The following SCAI variants were observed in gnomAD, a reference collection of about 807,000 sequenced individuals.
SCAI encodes protein SCAI.
SCAI carries 24 observed loss-of-function variants against 92.2 expected under a neutral mutation model. The observed-to-expected ratio is 0.26, with a 90% CI of 0.19 to 0.37. The LOEUF (loss-of-function observed/expected upper bound fraction) is 0.37, where lower values mean the gene tolerates loss of function less well. Among genes scored for constraint, SCAI ranks in the 10% least tolerant of loss-of-function variants. The pLI is 1.00. For synonymous variants in SCAI, 261 were observed against 258.6 expected, an observed-to-expected ratio of 1.01 and a Z score of -0.09; for missense variants, 450 against 736.2, an observed-to-expected ratio of 0.61 and a Z score of 4.50.
intron 2 of SCAI, among the ~76,000 whole-genome samples, chr9:125,114,644 T>TCAG (rs1416918981): frequency 6.6e-6 from 1 of 152,108 alleles, no homozygotes; most frequent in East Asian, 1.9e-4. Flanking sequence ...CTTGCTCTGT[T>TCAG]GCCCAGGCTG....
chr9:125,061,292 G>A (rs570026740), intron 2 of SCAI, among the ~76,000 whole-genome samples: 3 of 150,700 alleles, frequency 2.0e-5, no homozygotes, highest in African/African-American at 7.4e-5. Context: ...GCGAGACTCC[G>A]TCTCAAAAAA....
chr9:125,010,336 C>T (rs1415890317), intron 9 of SCAI, among the ~76,000 whole-genome samples: 1 of 152,172 alleles, frequency 6.6e-6, no homozygotes, highest in African/African-American at 2.4e-5. Context: ...CCCAATACTG[C>T]GCTTTTCCGA....
At chr9:125,042,108 T>C (rs1334114084) in intron 3 of SCAI, among the ~76,000 whole-genome samples, 1 of 152,180 alleles carries the variant, frequency 6.6e-6, no homozygotes, top group Non-Finnish European at 1.5e-5. Context: ...AATAGGGCTC[T>C]GAATTACCCC....
In SCAI at chr9:124,948,548, T is replaced by G. The variant is rs977601564; in HGVS notation, c.*4259A>C. On this transcript the variant is annotated 3_prime_UTR_variant, in exon 18 of 18. Transcript: ENST00000336505. Reference sequence around the variant, plus strand: ...AGCTACTGAGAAGACTGGGCTGAGATGAGGAGATCTGAGTTTTAGTTCTAG... The same window carrying G: ...AGCTACTGAGAAGACTGGGCTGAGAGGAGGAGATCTGAGTTTTAGTTCTAG... 1 of 152,252 alleles carries G rather than the reference T, an allele frequency of 6.6e-6. No individual in the cohort carries two copies. The highest frequency in any genetic ancestry group is 1.5e-5 in the Non-Finnish European group (1 of 68,052). 9.4% of individuals were successfully genotyped at this position (152,252 alleles called of 1,614,324 possible).
rs1337221859 is a variant in SCAI at position 124,949,297 on chromosome 9, G to T, written c.*3510C>A. The stretch of plus-strand genomic sequence containing the variant: ...GAAACTGGAAGGTGGAGGTTGCAGT[G>T]AGCTGAGATCCTGCCACCACACTGC... On this transcript the variant is annotated 3_prime_UTR_variant, in exon 18 of 18. Coordinates refer to ENST00000336505, the MANE Select transcript of SCAI (RefSeq NM_001144877.3). The surrounding 1 kb of genome is among the most constrained non-coding windows in gnomAD (Gnocchi z 4.0). 6.6e-6 allele frequency: 1 copy of T among 152,282 alleles called. No individual in the cohort carries two copies. The highest frequency in any genetic ancestry group is 6.5e-5 in the Admixed American group (1 of 15,284). The allele number at this position is 152,282 out of a possible 1,614,324, so 9.4% of individuals were successfully genotyped here.
chr9:124,982,750 G>A (rs1307642997), intron 14 of SCAI, among the ~76,000 whole-genome samples: 3 of 151,670 alleles, frequency 2.0e-5, no homozygotes, highest in East Asian at 3.9e-4. Flanking sequence ...GGGGGAAAAG[G>A]AAATAATTTT....
At chr9:125,046,717 A>AC (rs1466126410) in intron 3 of SCAI, among the ~76,000 whole-genome samples, 1 of 151,054 alleles carries the variant, frequency 6.6e-6, no homozygotes, top group Non-Finnish European at 1.5e-5. Context: ...AAAAAAAAAA[A>AC]AACTAACTAC....
Position 124,999,851 on chromosome 9 carries a change from G to A in SCAI, c.1244+40C>T, listed in dbSNP as rs368741060. Reference sequence around the variant, plus strand: ...ATATTTTTTCTATTTATAGACAGAGGTATAATTTTTATAATAAGAGTAGAC... The same window carrying A: ...ATATTTTTTCTATTTATAGACAGAGATATAATTTTTATAATAAGAGTAGAC... On this transcript the variant is annotated intron_variant, in intron 13 of 17. Coordinates refer to ENST00000336505, the MANE Select transcript of SCAI (RefSeq NM_001144877.3). The A allele has an allele frequency of 1.6e-5, 16 of 991,956 alleles. No individual in the cohort carries two copies. In the African/African-American group the frequency reaches 2.4e-4, roughly 15 times the overall value. The allele number at this position is 991,956 out of a possible 1,614,324, so 61.4% of individuals were successfully genotyped here.
intron 2 of SCAI, among the ~76,000 whole-genome samples, chr9:125,139,672 G>A (rs1835619631): frequency 6.6e-6 from 1 of 152,170 alleles, no homozygotes; most frequent in African/African-American, 2.4e-5. Flanking sequence ...ATATGATTAG[G>A]CTAAAAGTCT....
intron 17 of SCAI, among the ~76,000 whole-genome samples, chr9:124,957,215 A>C (rs886339291): frequency 6.6e-6 from 1 of 151,800 alleles, no homozygotes; most frequent in African/African-American, 2.4e-5. Flanking sequence ...CTGGTCTCCA[A>C]CTCCTGGGAT....
intron 2 of SCAI, among the ~76,000 whole-genome samples, chr9:125,111,032 G>T (rs915840550): frequency 1.3e-5 from 2 of 152,084 alleles, no homozygotes; most frequent in Non-Finnish European, 2.9e-5. Context: ...TATAACCTTG[G>T]ATAACCATTT....
intron 2 of SCAI, among the ~76,000 whole-genome samples, chr9:125,087,552 A>C (rs535968909): frequency 1.3e-5 from 2 of 152,370 alleles, no homozygotes; most frequent in African/African-American, 4.8e-5. Context: ...TAGAAAAGAG[A>C]AAGTATTGCA....
intron 2 of SCAI, among the ~76,000 whole-genome samples, chr9:125,095,168 T>C (rs1182402066): frequency 6.6e-6 from 1 of 152,100 alleles, no homozygotes; most frequent in Non-Finnish European, 1.5e-5. Context: ...GAGACAAAGG[T>C]ATAAATGGTC....
chr9:124,961,608 C>T (rs1831436513), intron 17 of SCAI, among the ~76,000 whole-genome samples: 1 of 149,556 alleles, frequency 6.7e-6, no homozygotes, highest in Non-Finnish European at 1.5e-5. Context: ...AGTGATCACG[C>T]CATTGTACTC....
intron 1 of SCAI, 149 bp from the exon 2 acceptor site, chr9:125,142,826 CCT>C (rs1835700220): frequency 1.5e-6 from 1 of 664,016 alleles, no homozygotes; most frequent in Non-Finnish European, 2.7e-6. Context: ...CGCCTCATGC[CCT>C]GTTTCCCCTA....
At chr9:124,977,109 T>C (rs1831775622) in intron 14 of SCAI, among the ~76,000 whole-genome samples, 1 of 152,112 alleles carries the variant, frequency 6.6e-6, no homozygotes, top group Admixed American at 6.6e-5. Flanking sequence ...GCTCAAGCGA[T>C]CCACCCACCT....
chr9:125,011,238 C>G (rs969239318), intron 9 of SCAI, among the ~76,000 whole-genome samples: 1 of 152,156 alleles, frequency 6.6e-6, no homozygotes, highest in Non-Finnish European at 1.5e-5. Context: ...CTACTCCAAG[C>G]TACAGGAGGA....
intron 17 of SCAI, among the ~76,000 whole-genome samples, chr9:124,953,375 T>C (rs1382050600): frequency 6.6e-6 from 1 of 152,020 alleles, no homozygotes. Context: ...ACGCCTGTAA[T>C]CCCAGCACTT....
intron 2 of SCAI, among the ~76,000 whole-genome samples, chr9:125,070,273 C>T (rs1833956609): frequency 6.6e-6 from 1 of 152,064 alleles, no homozygotes; most frequent in African/African-American, 2.4e-5. Flanking sequence ...GATGGCATTC[C>T]TATAATGGGA....
Sources: gnomAD v4.1 joint callset for allele counts (sites outside exome capture counted in the v4.1 genomes callset) on GRCh38, gnomAD v4.1.1 for gene constraint, Gnocchi (gnomAD v3.1) non-coding constraint, MANE v1.5 for transcripts, NCBI Gene and HGNC (gene_info 2026-07-23, HGNC 2026-07-21) for gene names.